Variants in STXBP4 observed in about 807,000 individuals in gnomAD.
The protein encoded by STXBP4 is syntaxin-binding protein 4.
STXBP4 carries 55 observed loss-of-function variants against 76.1 expected under a neutral mutation model. The observed-to-expected ratio is 0.72, with a 90% CI of 0.58 to 0.91. The LOEUF is 0.91. Among genes scored for constraint, STXBP4 ranks in the 40% least tolerant of loss-of-function variants. The pLI is 0.00. For missense variants in STXBP4, 618 were observed against 636.9 expected, an observed-to-expected ratio of 0.97 and a Z score of 0.32; for synonymous variants, 201 against 220.2, an observed-to-expected ratio of 0.91 and a Z score of 0.77.
intron 17 of STXBP4, among the ~76,000 whole-genome samples, chr17:55,149,578 C>T (rs115505910): frequency 0.014 from 2,161 of 152,234 alleles, 45 homozygotes; most frequent in African/African-American, 0.049. Flanking sequence ...TTAGTTACCC[C>T]TCCCCTTCCT....
chr17:55,085,650 T>C (rs1051640710), intron 16 of STXBP4, among the ~76,000 whole-genome samples: 5 of 152,058 alleles, frequency 3.3e-5, no homozygotes, highest in African/African-American at 1.2e-4. Context: ...AGTTCCATGT[T>C]AATTAACTAT....
chr17:55,137,278 TC>T (rs1270084407), intron 16 of STXBP4, among the ~76,000 whole-genome samples: 1 of 133,372 alleles, frequency 7.5e-6, no homozygotes, highest in Admixed American at 7.6e-5. Flanking sequence ...CCATGTTCCC[TC>T]CCTCCCTCCC....
chr17:55,108,616 G>A (rs558787403), intron 16 of STXBP4, among the ~76,000 whole-genome samples: 17 of 152,290 alleles, frequency 1.1e-4, no homozygotes, highest in Admixed American at 1.3e-4. Context: ...GGAATGCACC[G>A]TTCCTCACGG....
intron 1 of STXBP4, among the ~76,000 whole-genome samples, chr17:54,978,352 A>G (rs1196671112): frequency 1.3e-5 from 2 of 152,200 alleles, no homozygotes; most frequent in Non-Finnish European, 1.5e-5. Flanking sequence ...TATATGTACT[A>G]TGTAATATGT....
At position 55,163,586 on chromosome 17, in the gene STXBP4, C is replaced by T. The variant is rs551407887; in HGVS notation, c.*3675C>T. ...AACCAGTTCAACTCAGCAAACACTTCCTGAGCACCTGCTACATGCCAGGCA... is the reference window on the plus strand; with the variant it reads ...AACCAGTTCAACTCAGCAAACACTTTCTGAGCACCTGCTACATGCCAGGCA... On this transcript the variant is annotated 3_prime_UTR_variant, in exon 18 of 18. Coordinates refer to ENST00000376352, the MANE Select transcript of STXBP4 (RefSeq NM_178509.6). 1.3e-5 allele frequency: 2 copies of T among 152,160 alleles called. No individual in the cohort carries two copies. The highest frequency in any genetic ancestry group is 6.5e-5 in the Admixed American group (1 of 15,282). 9.4% of individuals were successfully genotyped at this position (152,160 alleles called of 1,614,324 possible).
downstream of STXBP4, among the ~76,000 whole-genome samples, chr17:55,178,557 G>A (rs1192389513): frequency 6.6e-6 from 1 of 152,178 alleles, no homozygotes. Context: ...GTATTAGTCA[G>A]AATTCTCCAG....
chr17:55,159,188 G>A (rs2080312686), intron 17 of STXBP4, among the ~76,000 whole-genome samples: 1 of 152,198 alleles, frequency 6.6e-6, no homozygotes, highest in African/African-American at 2.4e-5. Flanking sequence ...AGAGGTTACA[G>A]TGATCTGAGA....
intron 1 of STXBP4, among the ~76,000 whole-genome samples, chr17:54,983,714 G>A (rs1990674): frequency 0.28 from 42,662 of 151,932 alleles, 6,247 homozygotes; most frequent in African/African-American, 0.35. Context: ...AATGGTAGTT[G>A]CTATTATTGT....
chr17:55,040,997 T>G (rs2078688660), intron 10 of STXBP4, among the ~76,000 whole-genome samples: 1 of 152,194 alleles, frequency 6.6e-6, no homozygotes, highest in African/African-American at 2.4e-5. Flanking sequence ...GCCAATTCTC[T>G]GGCTGCAAGT....
At chr17:55,198,986 T>G in the STXBP4 span, among the ~76,000 whole-genome samples, 1 of 152,326 alleles carries the variant, frequency 6.6e-6, no homozygotes. Context: ...TGCCAATGGA[T>G]TGGGTTGGCC....
chr17:55,202,750 T>G, the STXBP4 span, among the ~76,000 whole-genome samples: 2 of 152,186 alleles, frequency 1.3e-5, no homozygotes, highest in Non-Finnish European at 2.9e-5. Context: ...CTACCTTCCC[T>G]GACTTTATGT....
chr17:55,000,175 T>G (rs949776808), intron 6 of STXBP4: 31 of 981,242 alleles, frequency 3.2e-5, no homozygotes, highest in Non-Finnish European at 3.8e-5. Flanking sequence ...TTCTGTTCTC[T>G]GCTTGACTGA....
intron 16 of STXBP4, among the ~76,000 whole-genome samples, chr17:55,139,579 G>A (rs2080072208): frequency 6.6e-6 from 1 of 152,114 alleles, no homozygotes; most frequent in African/African-American, 2.4e-5. Context: ...GATGCAGAAA[G>A]TGTGAAGACA....
chr17:55,030,099 A>G (rs1223603593), intron 8 of STXBP4, among the ~76,000 whole-genome samples: 4 of 152,210 alleles, frequency 2.6e-5, no homozygotes, highest in Admixed American at 6.5e-5. Flanking sequence ...TTTGCTATAT[A>G]TAACTGGCGA....
intron 8 of STXBP4, among the ~76,000 whole-genome samples, chr17:55,025,707 T>C (rs2144651435): frequency 6.6e-6 from 1 of 152,306 alleles, no homozygotes; most frequent in South Asian, 2.1e-4. Flanking sequence ...AATTGGATGG[T>C]TCCTTCCTAA....
intron 16 of STXBP4, among the ~76,000 whole-genome samples, chr17:55,117,852 C>G (rs1239122427): frequency 6.6e-6 from 1 of 151,900 alleles, no homozygotes; most frequent in African/African-American, 2.4e-5. Flanking sequence ...CTTCCTTTCA[C>G]CAACAGATAT....
At chr17:54,981,315 A>G (rs28558726) in intron 1 of STXBP4, among the ~76,000 whole-genome samples, 42,385 of 150,986 alleles carry the variant, frequency 0.28, 6,206 homozygotes, top group African/African-American at 0.35. Flanking sequence ...CAAATGAGAG[A>G]TGATCGGCCT....
intron 16 of STXBP4, among the ~76,000 whole-genome samples, chr17:55,108,298 G>A (rs980437266): frequency 1.3e-5 from 2 of 152,180 alleles, no homozygotes; most frequent in Non-Finnish European, 2.9e-5. Flanking sequence ...CAGACTGCTG[G>A]GCTGGCAGCA....
At chr17:55,117,436 ATGTTAC>A (rs1261882025) in intron 16 of STXBP4, among the ~76,000 whole-genome samples, 3 of 151,802 alleles carry the variant, frequency 2.0e-5, no homozygotes, top group Admixed American at 2.0e-4. Flanking sequence ...TTGTACCATA[ATGTTAC>A]TGTTAGGAAA....
Sources: allele counts gnomAD v4.1 joint callset (sites outside exome capture counted in the v4.1 genomes callset), GRCh38; gene constraint gnomAD v4.1.1; transcripts MANE v1.5; gene names NCBI Gene and HGNC (gene_info 2026-07-23, HGNC 2026-07-21).